HEMK2: variants seen among roughly 807,000 people sequenced by gnomAD.
HEMK2 encodes methyltransferase HEMK2.
At chr21:28,802,613 C>T in the HEMK2 span, among the ~76,000 whole-genome samples, 1 of 152,120 alleles carries the variant, frequency 6.6e-6, no homozygotes, top group African/African-American at 2.4e-5. Flanking sequence ...AGCCTGTAGT[C>T]CCAGCTACTC....
chr21:28,678,239 T>C, the HEMK2 span, among the ~76,000 whole-genome samples: 2 of 152,128 alleles, frequency 1.3e-5, no homozygotes, highest in Non-Finnish European at 2.9e-5. Flanking sequence ...GAGAACTACA[T>C]GATGAATGCA....
the HEMK2 span, among the ~76,000 whole-genome samples, chr21:28,653,063 AAG>A: frequency 6.6e-6 from 1 of 152,126 alleles, no homozygotes; most frequent in African/African-American, 2.4e-5. Flanking sequence ...TGTGATTATA[AAG>A]AGAGATGCCA....
At chr21:28,576,346 C>T in the HEMK2 span, among the ~76,000 whole-genome samples, 7 of 152,124 alleles carry the variant, frequency 4.6e-5, no homozygotes, top group Non-Finnish European at 7.3e-5. Context: ...ATGATATTGA[C>T]TACCTTTCCA....
At chr21:28,677,467 G>A in the HEMK2 span, among the ~76,000 whole-genome samples, 2 of 152,206 alleles carry the variant, frequency 1.3e-5, no homozygotes, top group African/African-American at 4.8e-5. Context: ...CTCCACCTCT[G>A]GGGGCAGGGC....
At chr21:28,736,706 TTTGAG>T in the HEMK2 span, among the ~76,000 whole-genome samples, 1 of 152,066 alleles carries the variant, frequency 6.6e-6, no homozygotes, top group East Asian at 1.9e-4. Context: ...CAGAGGTTGC[TTTGAG>T]TTGATATCGT....
At chr21:28,700,119 C>T in the HEMK2 span, among the ~76,000 whole-genome samples, 5 of 152,110 alleles carry the variant, frequency 3.3e-5, no homozygotes, top group Admixed American at 3.3e-4. Flanking sequence ...AGGGTGTCCC[C>T]ATCTCTCTTC....
At chr21:28,715,305 T>C in the HEMK2 span, among the ~76,000 whole-genome samples, 1 of 148,458 alleles carries the variant, frequency 6.7e-6, no homozygotes, top group East Asian at 2.0e-4. Flanking sequence ...GCATCTGTTA[T>C]TTTTTTTTTT....
At chr21:28,741,506 G>A in the HEMK2 span, among the ~76,000 whole-genome samples, 3 of 152,232 alleles carry the variant, frequency 2.0e-5, no homozygotes, top group East Asian at 5.8e-4. Context: ...AGGTTATTAA[G>A]CCTAGTACCC....
At chr21:28,686,475 C>T in the HEMK2 span, among the ~76,000 whole-genome samples, 1 of 152,080 alleles carries the variant, frequency 6.6e-6, no homozygotes, top group Non-Finnish European at 1.5e-5. Flanking sequence ...CCTCGTGATC[C>T]TCCCACCTCA....
chr21:28,610,321 G>A, the HEMK2 span, among the ~76,000 whole-genome samples: 1 of 152,058 alleles, frequency 6.6e-6, no homozygotes, highest in African/African-American at 2.4e-5. Flanking sequence ...TGTAAATGAA[G>A]GACAGATAGT....
At chr21:28,673,101 A>G in the HEMK2 span, among the ~76,000 whole-genome samples, 1 of 151,036 alleles carries the variant, frequency 6.6e-6, no homozygotes, top group African/African-American at 2.4e-5. Flanking sequence ...GAAGGAAGAA[A>G]GAAAGGAAGG....
chr21:28,850,731 G>T, the HEMK2 span, among the ~76,000 whole-genome samples: 1 of 152,174 alleles, frequency 6.6e-6, no homozygotes, highest in Non-Finnish European at 1.5e-5. Context: ...AGAAACCATT[G>T]TGTTAGTCAG....
the HEMK2 span, among the ~76,000 whole-genome samples, chr21:28,782,269 C>T: frequency 3.9e-5 from 6 of 152,116 alleles, no homozygotes; most frequent in African/African-American, 1.4e-4. Context: ...CAAGGTTCAC[C>T]TAATACTATA....
the HEMK2 span, among the ~76,000 whole-genome samples, chr21:28,818,931 A>C: frequency 1.3e-5 from 2 of 152,228 alleles, no homozygotes; most frequent in Non-Finnish European, 2.9e-5. Context: ...GTTCTGGCTA[A>C]TGTAAAAGTT....
the HEMK2 span, among the ~76,000 whole-genome samples, chr21:28,651,513 G>A: frequency 1.3e-5 from 2 of 152,168 alleles, no homozygotes; most frequent in Admixed American, 6.5e-5. Context: ...ATTGTCACTT[G>A]AATAGACCAT....
chr21:28,783,795 C>G, the HEMK2 span, among the ~76,000 whole-genome samples: 233 of 152,302 alleles, frequency 1.5e-3, 1 homozygote, highest in African/African-American at 5.4e-3. Flanking sequence ...ATGCAGCACT[C>G]ACGGGCCAGC....
the HEMK2 span, among the ~76,000 whole-genome samples, chr21:28,855,453 A>C: frequency 6.6e-6 from 1 of 152,214 alleles, no homozygotes; most frequent in Admixed American, 6.5e-5. Flanking sequence ...CCAGACCATT[A>C]AGGTAGAAAA....
At chr21:28,650,524 A>G in the HEMK2 span, among the ~76,000 whole-genome samples, 3 of 152,170 alleles carry the variant, frequency 2.0e-5, no homozygotes, top group South Asian at 6.2e-4. Context: ...GTGACCAATT[A>G]GATATAGGAG....
chr21:28,753,374 A>T, the HEMK2 span, among the ~76,000 whole-genome samples: 294 of 146,318 alleles, frequency 2.0e-3, 1 homozygote, highest in African/African-American at 7.2e-3. Flanking sequence ...AAAAAAAAAA[A>T]GTAGAAGGTA....
Sources: allele counts gnomAD v4.1 joint callset (sites outside exome capture counted in the v4.1 genomes callset), GRCh38; gene constraint gnomAD v4.1.1; transcripts MANE v1.5; gene names NCBI Gene and HGNC (gene_info 2026-07-23, HGNC 2026-07-21).